Variants in LIAT1 observed in about 807,000 individuals in gnomAD.
The protein encoded by LIAT1 is protein LIAT1.
the LIAT1 span, chr17:410,446 G>A: frequency 3.9e-6 from 6 of 1,539,216 alleles, no homozygotes; most frequent in African/African-American, 1.4e-5. Flanking sequence ...CAGCCCAGCG[G>A]GCGGCTGGAC....
At chr17:410,843 C>T in the LIAT1 span, among the ~76,000 whole-genome samples, 7 of 152,208 alleles carry the variant, frequency 4.6e-5, no homozygotes, top group African/African-American at 9.6e-5. Context: ...ACCAACTCTG[C>T]GGTCCCTTAG....
the LIAT1 span, among the ~76,000 whole-genome samples, chr17:411,283 C>T: frequency 3.3e-5 from 5 of 152,202 alleles, no homozygotes; most frequent in East Asian, 1.9e-4. Context: ...AACCACTCCC[C>T]GCTTCATATC....
the LIAT1 span, chr17:410,397 G>C: frequency 6.6e-7 from 1 of 1,525,056 alleles, no homozygotes; most frequent in Non-Finnish European, 8.7e-7. Context: ...CCGATTAGTC[G>C]GCATCGGGCC....
the LIAT1 span, chr17:410,374 G>A: frequency 3.3e-6 from 5 of 1,515,708 alleles, no homozygotes; most frequent in African/African-American, 2.8e-5. Flanking sequence ...CTGGCGGTCC[G>A]CGCTGAGAGT....
the LIAT1 span, chr17:410,373 C>G: frequency 6.0e-6 from 9 of 1,512,568 alleles, no homozygotes; most frequent in Middle Eastern, 2.4e-4. Context: ...CCTGGCGGTC[C>G]GCGCTGAGAG....
At chr17:410,648 T>TA in the LIAT1 span, 2 of 1,539,014 alleles carry the variant, frequency 1.3e-6, no homozygotes, top group Non-Finnish European at 8.7e-7. Context: ...AGGGGGACGG[T>TA]AAGAGGAGCA....
chr17:413,387 G>C, the LIAT1 span: 1 of 1,614,140 alleles, frequency 6.2e-7, no homozygotes, highest in Admixed American at 1.7e-5. Context: ...CCCGGAGGCA[G>C]AGAAGGAAAG....
At chr17:412,340 A>G in the LIAT1 span, among the ~76,000 whole-genome samples, 1,807 of 152,216 alleles carry the variant, frequency 0.012, 15 homozygotes, top group Non-Finnish European at 0.018. Flanking sequence ...GCAAAAAGAA[A>G]TTTGGCAGTT....
the LIAT1 span, chr17:410,374 G>C: frequency 5.3e-6 from 8 of 1,515,592 alleles, no homozygotes; most frequent in Non-Finnish European, 7.0e-6. Flanking sequence ...CTGGCGGTCC[G>C]CGCTGAGAGT....
the LIAT1 span, chr17:410,348 G>T: frequency 1.4e-6 from 2 of 1,476,496 alleles, no homozygotes; most frequent in Non-Finnish European, 1.8e-6. Flanking sequence ...TCGCCATGGA[G>T]ACGCGTGGCC....
chr17:413,503 C>A, the LIAT1 span: 4 of 983,616 alleles, frequency 4.1e-6, no homozygotes, highest in South Asian at 4.2e-5. Flanking sequence ...CCGACCCCGA[C>A]GCCCTCAAGG....
chr17:413,038 T>G, the LIAT1 span: 1 of 1,306,948 alleles, frequency 7.7e-7, no homozygotes, highest in Non-Finnish European at 1.0e-6. Flanking sequence ...GAGCCCTGGG[T>G]ACGGAGGGGC....
the LIAT1 span, among the ~76,000 whole-genome samples, chr17:411,096 C>G: frequency 4.6e-5 from 7 of 152,356 alleles, no homozygotes; most frequent in Admixed American, 4.6e-4. Flanking sequence ...CTCCCACCCT[C>G]TTGCGTTAAG....
At chr17:413,816 TTCCACCCCGACCCCAAGGCCCTCAAGGGC>T in the LIAT1 span, 4 of 1,517,356 alleles carry the variant, frequency 2.6e-6, no homozygotes, top group South Asian at 2.4e-5. Flanking sequence ...CCTCAAGGGC[TTCCACCCCGACCCCAAGGCCCTCAAGGGC>T]TTCCACCCCG....
At chr17:412,764 A>G in the LIAT1 span, among the ~76,000 whole-genome samples, 71,930 of 152,060 alleles carry the variant, frequency 0.47, 20,902 homozygotes, top group African/African-American at 0.82. Flanking sequence ...AGGATGGATG[A>G]GGGCAGCACG....
At chr17:410,689 T>G in the LIAT1 span, 1 of 1,516,712 alleles carries the variant, frequency 6.6e-7, no homozygotes. Flanking sequence ...TCCGGTTCCC[T>G]GGAGACTCTT....
the LIAT1 span, chr17:414,112 G>A: frequency 6.2e-7 from 1 of 1,610,814 alleles, no homozygotes; most frequent in African/African-American, 1.3e-5. This position sits in a 1 kb window ranked among gnomAD's most constrained non-coding sequence, Gnocchi z 4.1. Flanking sequence ...CTCTGCTGGA[G>A]TGAAAATCTA....
chr17:411,695 C>T, the LIAT1 span, among the ~76,000 whole-genome samples: 2 of 152,184 alleles, frequency 1.3e-5, no homozygotes, highest in African/African-American at 4.8e-5. Context: ...CACACATACC[C>T]TACCTGCCAT....
chr17:414,251 T>TCCCATCACC, the LIAT1 span: 2 of 1,116,710 alleles, frequency 1.8e-6, no homozygotes, highest in Admixed American at 4.7e-5. The surrounding 1 kb of genome is among the most constrained non-coding windows in gnomAD (Gnocchi z 4.1). Flanking sequence ...ACGCCGACTC[T>TCCCATCACC]CCCATCACCA....
Sources: gnomAD v4.1 joint callset for allele counts (sites outside exome capture counted in the v4.1 genomes callset) on GRCh38, gnomAD v4.1.1 for gene constraint, Gnocchi (gnomAD v3.1) non-coding constraint, MANE v1.5 for transcripts, NCBI Gene and HGNC (gene_info 2026-07-23, HGNC 2026-07-21) for gene names.